ADAMTS14: variants seen among roughly 807,000 people sequenced by gnomAD.
ADAMTS14 encodes A disintegrin and metalloproteinase with thrombospondin motifs 14.
A neutral mutation model predicts 128.6 loss-of-function variants in ADAMTS14; 100 were observed. The ratio of observed to expected loss-of-function variants is 0.78; its 90% confidence interval spans 0.66 to 0.92. ADAMTS14 has a LOEUF of 0.92. Among genes scored for constraint, ADAMTS14 ranks in the 40% least tolerant of loss-of-function variants. ADAMTS14 has a pLI of 0.00. For synonymous variants in ADAMTS14, 665 were observed against 653.8 expected, an observed-to-expected ratio of 1.02 and a Z score of -0.26; for missense variants, 1,562 against 1,658.6, an observed-to-expected ratio of 0.94 and a Z score of 1.01.
chr10:70,709,664 C>A lies in ADAMTS14; in HGVS notation c.870+886C>A, dbSNP rs543001704. Among the ~76,000 whole-genome samples the A allele has an allele frequency of 2.4e-4, 37 of 152,128 alleles. 1 individual carries two copies. Among genetic ancestry groups the A allele is most frequent in the African/African-American group, 8.7e-4 (36 of 41,508 alleles). ...TACAGGCACCTGCCACCATGCCCGG[C>A]TAATTTTTTGTATTTTTAGTAGAGA... is the stretch of plus-strand genomic sequence containing the variant. On this transcript the variant is annotated intron_variant, in intron 4 of 21. Transcript: ENST00000373207.
rs977780279 is a variant in ADAMTS14 at position 70,729,373 on chromosome 10, G to A, written c.950G>A (p.Arg317Gln). The A allele has an allele frequency of 8.1e-6, 13 of 1,613,386 alleles. No homozygotes were observed. Among genetic ancestry groups the A allele is most frequent in the Admixed American group, 6.7e-5 (4 of 59,986 alleles). ...GTCCGCTTGATCATGGTTGGCTACC[G>A]ACAGGTAAACCACCTTGTCAGCAGG... ...ALVRLIMVGY[R>Q]QSLSLIERGN... Residue 317 changes from arginine (R) to glutamine (Q), a missense_variant, in exon 5 of 22, where the codon CGA (arginine) becomes CAA (glutamine). Transcript: ENST00000373207.
intron 8 of ADAMTS14, among the ~76,000 whole-genome samples, chr10:70,734,596 C>T (rs541793772): frequency 1.2e-4 from 19 of 152,292 alleles, no homozygotes; most frequent in South Asian, 2.1e-4. Context: ...CTCCCAATTC[C>T]GGCCTGGCTG....
At chr10:70,756,211 C>T (rs1413413847) in intron 19 of ADAMTS14, among the ~76,000 whole-genome samples, 1 of 152,132 alleles carries the variant, frequency 6.6e-6, no homozygotes, top group East Asian at 1.9e-4. Flanking sequence ...TTCTGGGATG[C>T]TCATTTATTA....
Position 70,689,793 on chromosome 10 carries a change from G to A in ADAMTS14, c.523-12519G>A, listed in dbSNP as rs574840447. ...AGAGAAGCCAGCCAGGCCCTGGGCC[G>A]CCATCGCTCCTCCTCACTGCCCTCC... On this transcript the variant is annotated intron_variant, in intron 2 of 21. Transcript: ENST00000373207. 3.4e-5 allele frequency among the ~76,000 whole-genome samples: 5 copies of A among 145,288 alleles called. 1 individual carries two copies. Among genetic ancestry groups the A allele is most frequent in the Admixed American group, 6.8e-5 (1 of 14,700 alleles).
intron 2 of ADAMTS14, among the ~76,000 whole-genome samples, chr10:70,681,961 G>A (rs1839821648): frequency 6.6e-6 from 1 of 152,382 alleles, no homozygotes; most frequent in East Asian, 1.9e-4. Flanking sequence ...ACAGATGGCT[G>A]TCCCCGCCCC....
rs142793104 is a variant in ADAMTS14 at position 70,758,203 on chromosome 10, C to T, written c.3096C>T (p.Ala1032=). The change falls in exon 21 of 22, where the codon GCC becomes GCT. Residue 1032 remains alanine (A), a synonymous_variant. Coordinates refer to ENST00000373207, the MANE Select transcript of ADAMTS14 (RefSeq NM_080722.4). ...ATCACCAGAACTCCACGGTGAGGGC[C>T]GATGTCTGGGAACTTGGGACGCCAG... is the stretch of plus-strand genomic sequence containing the variant. ...GGNHQNSTVR[A]DVWELGTPEG... The T allele has an allele frequency of 1.2e-3, 2,007 of 1,614,210 alleles. 3 individuals carry two copies. Among genetic ancestry groups the T allele is most frequent in the Non-Finnish European group, 1.6e-3 (1,835 of 1,180,024 alleles).
intron 2 of ADAMTS14, among the ~76,000 whole-genome samples, chr10:70,677,380 A>G (rs1839677691): frequency 6.6e-6 from 1 of 151,912 alleles, no homozygotes; most frequent in African/African-American, 2.4e-5. Context: ...CCCCCTCCCC[A>G]TTTCTGAGCT....
Position 70,674,678 on chromosome 10 carries a change from G to A in ADAMTS14, c.205G>A (p.Val69Ile). The change falls in exon 2 of 22, where the codon GTA (valine) becomes ATA (isoleucine). Residue 69 changes from valine (V) to isoleucine (I), a missense_variant. By Grantham distance (29) the Val-to-Ile change is conservative. Coordinates refer to ENST00000373207, the MANE Select transcript of ADAMTS14 (RefSeq NM_080722.4). ...AGCAGCAGCCTCTGCAGGGAGCATG[G>A]TAGTGGACACGCCACCCACACTACC... is the stretch of plus-strand genomic sequence containing the variant. ...GPAAASAGSM[V>I]VDTPPTLPRH... 6.2e-7 allele frequency: 1 copy of A among 1,613,536 alleles called. No homozygotes were observed. The highest frequency in any genetic ancestry group is 8.5e-7 in the Non-Finnish European group (1 of 1,180,036).
intron 4 of ADAMTS14, among the ~76,000 whole-genome samples, chr10:70,714,585 A>C (rs1479247159): frequency 2.0e-5 from 3 of 152,106 alleles, no homozygotes; most frequent in African/African-American, 7.2e-5. Context: ...CTGGCAGGAG[A>C]AAAGAGTTGA....
intron 1 of ADAMTS14, among the ~76,000 whole-genome samples, chr10:70,673,197 C>A (rs137877380): frequency 2.0e-3 from 298 of 152,314 alleles, no homozygotes; most frequent in Admixed American, 6.9e-3. Flanking sequence ...ATCTGTTTCT[C>A]TGTCCTGTGT....
intron 2 of ADAMTS14, among the ~76,000 whole-genome samples, chr10:70,683,036 T>TA (rs1413222151): frequency 6.6e-6 from 1 of 152,260 alleles, no homozygotes; most frequent in Non-Finnish European, 1.5e-5. Context: ...CATCTGCTCC[T>TA]AGGCCAGAGG....
chr10:70,745,440 C>A (rs746370132), intron 15 of ADAMTS14, 134 bp downstream of exon 15: 16 of 928,354 alleles, frequency 1.7e-5, no homozygotes, highest in Middle Eastern at 2.3e-4. Context: ...GCAGAGACCC[C>A]CTTTTCATTT....
At chr10:70,685,659 T>C (rs1229171162) in intron 2 of ADAMTS14, among the ~76,000 whole-genome samples, 5 of 152,258 alleles carry the variant, frequency 3.3e-5, no homozygotes, top group South Asian at 4.1e-4. Context: ...TCCCAGGCAA[T>C]GTTCCTCTCG....
At chr10:70,751,765 C>A in intron 17 of ADAMTS14, 119 bp downstream of exon 17, 1 of 1,345,870 alleles carries the variant, frequency 7.4e-7, no homozygotes. Context: ...CTCAGTTTCT[C>A]CTTGAAGATC....
chr10:70,684,036 C>T (rs1361551366), intron 2 of ADAMTS14, among the ~76,000 whole-genome samples: 1 of 151,876 alleles, frequency 6.6e-6, no homozygotes, highest in East Asian at 1.9e-4. Context: ...GCAGGTTGTA[C>T]AGGAAGCATA....
intron 2 of ADAMTS14, among the ~76,000 whole-genome samples, chr10:70,693,929 T>C (rs979794170): frequency 5.9e-5 from 9 of 152,248 alleles, no homozygotes; most frequent in Non-Finnish European, 1.0e-4. Flanking sequence ...GCCGTGCAGA[T>C]GTACGTGGCA....
chr10:70,718,144 T>C (rs894242658), intron 4 of ADAMTS14, among the ~76,000 whole-genome samples: 1 of 152,232 alleles, frequency 6.6e-6, no homozygotes, highest in African/African-American at 2.4e-5. Flanking sequence ...CCACAAAAAC[T>C]GCTTTCCTGC....
chr10:70,675,026 C>A, intron 2 of ADAMTS14, 31 bp downstream of exon 2: 8 of 1,599,494 alleles, frequency 5.0e-6, no homozygotes, highest in Non-Finnish European at 6.8e-6. Flanking sequence ...TAAGCTGCAT[C>A]CTCCCCCTCC....
At chr10:70,692,601 G>A (rs191058997) in intron 2 of ADAMTS14, among the ~76,000 whole-genome samples, 31 of 152,346 alleles carry the variant, frequency 2.0e-4, no homozygotes, top group Admixed American at 1.7e-3. Flanking sequence ...ACTCTGTGCC[G>A]AAAAGGTGTG....
Sources: allele counts gnomAD v4.1 joint callset (sites outside exome capture counted in the v4.1 genomes callset), GRCh38; gene constraint gnomAD v4.1.1; transcripts MANE v1.5; gene names NCBI Gene and HGNC (gene_info 2026-07-23, HGNC 2026-07-21).